TRPM3: variants seen among roughly 807,000 people sequenced by gnomAD.
TRPM3 encodes the protein long transient receptor potential channel 3.
TRPM3 carries 77 observed loss-of-function variants against 181.2 expected under a neutral mutation model. The ratio of observed to expected loss-of-function variants is 0.42; its 90% confidence interval spans 0.35 to 0.51. The LOEUF is 0.51. Among genes scored for constraint, TRPM3 ranks in the 20% least tolerant of loss-of-function variants. The pLI, the probability that TRPM3 is intolerant of heterozygous loss-of-function variation, is 0.01. For missense variants in TRPM3, 1,759 were observed against 2,196.7 expected, an observed-to-expected ratio of 0.80 and a Z score of 3.98; for synonymous variants, 745 against 796.4, an observed-to-expected ratio of 0.94 and a Z score of 1.09.
rs1202659426 is a variant in TRPM3, at chr9:70,648,445, A to G, written c.1346-7785T>C. Among the ~76,000 whole-genome samples the G allele has an allele frequency of 3.3e-5, 5 of 152,294 alleles. No individual in the cohort carries two copies. The East Asian group carries it at 7.7e-4, about 24-fold the overall frequency. Reference sequence around the variant, plus strand: ...AAGCCATGATCATGGCAGCCTGGGCATCAGAGTGAAATCACATCTCAGAAA... The same window carrying G: ...AAGCCATGATCATGGCAGCCTGGGCGTCAGAGTGAAATCACATCTCAGAAA... On this transcript the variant is annotated intron_variant, in intron 9 of 25. Transcript: ENST00000677713.
intron 3 of TRPM3, among the ~76,000 whole-genome samples, chr9:70,848,119 ATGAGATGAC>A (rs1343507150): frequency 2.0e-5 from 3 of 152,220 alleles, no homozygotes; most frequent in Non-Finnish European, 4.4e-5. Flanking sequence ...AAAAGCATAA[ATGAGATGAC>A]TGAGTATAAG....
Position 71,363,953 on chromosome 9 carries a change from G to A in TRPM3, c.183+82700C>T, listed in dbSNP as rs529112486. Among the ~76,000 whole-genome samples, 31 of 152,140 alleles carry A rather than the reference G, an allele frequency of 2.0e-4. No homozygotes were observed. In the South Asian group the frequency reaches 4.2e-3, roughly 20 times the overall value. ...CCCAGCACATAAATGTACAAAAATC[G>A]TTACAAAATACATGGATTAAATGAT... On this transcript the variant is annotated intron_variant, in intron 1 of 24. Coordinates refer to the TRPM3 transcript ENST00000357533.
chr9:70,810,350 C>G (rs565582791), intron 6 of TRPM3, among the ~76,000 whole-genome samples: 5 of 146,786 alleles, frequency 3.4e-5, no homozygotes, highest in Admixed American at 1.4e-4. Flanking sequence ...ATCACCCTGT[C>G]CTATGGATAC....
At chr9:71,365,397 T>G (rs1764932715) in intron 1 of TRPM3, among the ~76,000 whole-genome samples, 1 of 152,226 alleles carries the variant, frequency 6.6e-6, no homozygotes, top group Non-Finnish European at 1.5e-5. Context: ...TTCATTTTAT[T>G]TTTCTCATCT....
intron 1 of TRPM3, among the ~76,000 whole-genome samples, chr9:71,251,961 G>T (rs2132024729): frequency 6.6e-6 from 1 of 152,136 alleles, no homozygotes; most frequent in Non-Finnish European, 1.5e-5. Context: ...TTATGTTTGT[G>T]TTTCTGTACC....
intron 1 of TRPM3, among the ~76,000 whole-genome samples, chr9:71,201,560 G>C (rs866279964): frequency 6.6e-6 from 1 of 152,138 alleles, no homozygotes; most frequent in African/African-American, 2.4e-5. Context: ...TTTCTTGGAG[G>C]CTTTGTTCGT....
chr9:70,805,694 T>C (rs888737080), intron 6 of TRPM3, among the ~76,000 whole-genome samples: 1 of 151,762 alleles, frequency 6.6e-6, no homozygotes, highest in Non-Finnish European at 1.5e-5. Context: ...CCTATAAGAG[T>C]TCTTATTACT....
chr9:71,174,087 T>TTA (rs1175358504), intron 1 of TRPM3, among the ~76,000 whole-genome samples: 1 of 152,196 alleles, frequency 6.6e-6, no homozygotes, highest in Non-Finnish European at 1.5e-5. Flanking sequence ...GTACGAGTAT[T>TTA]TATATATTTC....
intron 1 of TRPM3, among the ~76,000 whole-genome samples, chr9:70,922,340 T>A (rs1194329143): frequency 1.3e-5 from 2 of 152,164 alleles, no homozygotes; most frequent in African/African-American, 4.8e-5. Flanking sequence ...ATTATGTCAT[T>A]AAGGTTTGAC....
intron 19 of TRPM3, among the ~76,000 whole-genome samples, chr9:70,607,485 T>C (rs891128236): frequency 1.3e-5 from 2 of 152,212 alleles, no homozygotes; most frequent in Non-Finnish European, 2.9e-5. Context: ...ATGGGTTTGC[T>C]GAGGCCAATC....
At chr9:70,788,332 A>T (rs1389685516) in intron 6 of TRPM3, among the ~76,000 whole-genome samples, 3 of 151,812 alleles carry the variant, frequency 2.0e-5, no homozygotes, top group Admixed American at 1.3e-4. Context: ...TAAATTAAGC[A>T]CATTGATACA....
At chr9:70,925,779 T>G (rs1368584626) in intron 1 of TRPM3, among the ~76,000 whole-genome samples, 2 of 151,956 alleles carry the variant, frequency 1.3e-5, no homozygotes, top group African/African-American at 2.4e-5. Flanking sequence ...GCGGGAGAGA[T>G]AAATTTCTCA....
At chr9:70,794,900 G>A (rs2131086294) in intron 6 of TRPM3, among the ~76,000 whole-genome samples, 1 of 152,180 alleles carries the variant, frequency 6.6e-6, no homozygotes, top group Non-Finnish European at 1.5e-5. Flanking sequence ...CTGCATCCGT[G>A]GGTTCTACAT....
intron 1 of TRPM3, among the ~76,000 whole-genome samples, chr9:71,075,501 C>T (rs572157920): frequency 3.9e-5 from 6 of 152,164 alleles, no homozygotes; most frequent in South Asian, 2.1e-4. Flanking sequence ...ATGTGGATTT[C>T]GATAATAAAT....
At chr9:71,387,078 A>G (rs956453831) in intron 1 of TRPM3, among the ~76,000 whole-genome samples, 2 of 152,204 alleles carry the variant, frequency 1.3e-5, no homozygotes, top group Non-Finnish European at 2.9e-5. Context: ...CAAATTTTTC[A>G]GGGAAAGAGA....
chr9:71,233,652 G>A (rs1394414604), intron 1 of TRPM3, among the ~76,000 whole-genome samples: 2 of 152,170 alleles, frequency 1.3e-5, no homozygotes, highest in African/African-American at 4.8e-5. Context: ...CATTAAATGA[G>A]AACATTTATG....
chr9:71,187,940 T>C (rs1294251797), intron 1 of TRPM3, among the ~76,000 whole-genome samples: 27 of 80,484 alleles, frequency 3.4e-4, no homozygotes, highest in African/African-American at 9.1e-4. Flanking sequence ...GATAGATAGA[T>C]AGATAGATAG....
intron 1 of TRPM3, among the ~76,000 whole-genome samples, chr9:70,941,529 A>T (rs1280386726): frequency 6.6e-6 from 1 of 152,188 alleles, no homozygotes; most frequent in Non-Finnish European, 1.5e-5. Flanking sequence ...GTGTGAGTCA[A>T]TTCTCCTTAA....
chr9:71,286,004 A>T (rs2085249528), intron 1 of TRPM3, among the ~76,000 whole-genome samples: 1 of 151,420 alleles, frequency 6.6e-6, no homozygotes, highest in East Asian at 1.9e-4. Flanking sequence ...TTTTTATTTA[A>T]TGCAAAAAGC....
Sources: gnomAD v4.1 joint callset for allele counts (sites outside exome capture counted in the v4.1 genomes callset) on GRCh38, gnomAD v4.1.1 for gene constraint, MANE v1.5 for transcripts, NCBI Gene and HGNC (gene_info 2026-07-23, HGNC 2026-07-21) for gene names.